The following ABCA5 variants were observed in gnomAD, a reference collection of about 807,000 sequenced individuals.
ABCA5 encodes the protein cholesterol transporter ABCA5.
In ABCA5, 163 loss-of-function variants were observed where a neutral mutation model predicts 206.0. The ratio of observed to expected loss-of-function variants is 0.79; its 90% confidence interval spans 0.70 to 0.90. The LOEUF is 0.90. Ranked by LOEUF, ABCA5 falls within the 40% of genes least tolerant of loss-of-function variation. The probability of loss-of-function intolerance (pLI) is 0.00; values close to 1 mark genes in which losing one functional copy is unlikely to be tolerated. For missense variants in ABCA5, 1,859 were observed against 1,912.9 expected, an observed-to-expected ratio of 0.97 and a Z score of 0.53; for synonymous variants, 609 against 613.8, an observed-to-expected ratio of 0.99 and a Z score of 0.11.
intron 22 of ABCA5, among the ~76,000 whole-genome samples, chr17:69,269,528 A>G (rs1260839064): frequency 6.6e-6 from 1 of 152,218 alleles, no homozygotes; most frequent in South Asian, 2.1e-4. Context: ...TAGATGATCT[A>G]GCAATTCCAC....
chr17:69,309,496 T>C, intron 3 of ABCA5, 73 bp from the exon 4 acceptor site: 3 of 1,067,072 alleles, frequency 2.8e-6, no homozygotes, highest in Non-Finnish European at 3.9e-6. Context: ...AGTTTACAAT[T>C]ATTTTGATGA....
rs1289306849 is a variant in ABCA5 at position 69,246,135 on chromosome 17, G to A, written c.*1402C>T. The A allele has an allele frequency of 6.6e-6, 1 of 151,880 alleles. No individual in the cohort carries two copies. The highest frequency in any genetic ancestry group is 1.5e-5 in the Non-Finnish European group (1 of 67,826). 9.4% of individuals were successfully genotyped at this position (151,880 alleles called of 1,614,324 possible). On this transcript the variant is annotated 3_prime_UTR_variant, in exon 39 of 39. Coordinates refer to ENST00000392676, the MANE Select transcript of ABCA5 (RefSeq NM_172232.4). ...GAACACTTTTAAATCCACTGCTAGA[G>A]CCTAAAATCACAGATGTCTTATTAC...
At chr17:69,248,147 T>G (rs746698321) in intron 38 of ABCA5, 115 bp downstream of exon 38, 2 of 604,492 alleles carry the variant, frequency 3.3e-6, no homozygotes, top group Non-Finnish European at 5.8e-6. Context: ...AAGATCATTC[T>G]GTACCAATTT....
rs1193312466 is a variant in ABCA5, at chr17:69,244,771, C to A, written c.*2766G>T. ...AAGTTTTGAGTAACTAACAGAACAA[C>A]AATAAAAACAATAATAACAACACTT... is the stretch of plus-strand genomic sequence containing the variant. On this transcript the variant is annotated 3_prime_UTR_variant, in exon 39 of 39. Coordinates refer to ENST00000392676, the MANE Select transcript of ABCA5 (RefSeq NM_172232.4). 9.9e-5 allele frequency: 15 copies of A among 151,182 alleles called. No homozygotes were observed. The highest frequency in any genetic ancestry group is 9.9e-4 in the Admixed American group (15 of 15,186). 9.4% of individuals were successfully genotyped at this position (151,182 alleles called of 1,614,324 possible). A position where few individuals can be genotyped will look rare whatever the true frequency, so the allele number is the denominator to read the frequency against.
intron 11 of ABCA5, 93 bp downstream of exon 11, chr17:69,294,562 G>T: frequency 9.4e-7 from 1 of 1,067,786 alleles, no homozygotes. Context: ...AGAAAATCAT[G>T]GTAGAGAAGT....
rs1349722172 is a variant in ABCA5, at chr17:69,309,310, A to T, written c.421T>A (p.Phe141Ile). 2 of 1,600,714 alleles carry T rather than the reference A, an allele frequency of 1.2e-6. No individual in the cohort carries two copies. Among genetic ancestry groups the T allele is most frequent in the Non-Finnish European group, 1.7e-6 (2 of 1,176,444 alleles). Residue 141 changes from phenylalanine to isoleucine, a missense_variant, in exon 4 of 39, where the codon TTT becomes ATT. Physicochemically the swap from Phe to Ile is conservative, Grantham distance 21. Coordinates refer to ENST00000392676, the MANE Select transcript of ABCA5 (RefSeq NM_172232.4). ...GATACTGGAATCATATCAGGAAAAA[A>T]ACGAAGTTCATAGGACATGGAGTCT... is the stretch of plus-strand genomic sequence containing the variant. ...FKDSMSYELR[F>I]FPDMIPVSSI...
intron 1 of ABCA5, among the ~76,000 whole-genome samples, chr17:69,318,170 G>A (rs1433116049): frequency 6.6e-6 from 1 of 151,194 alleles, no homozygotes; most frequent in African/African-American, 2.4e-5. Context: ...GGAGTGCAAT[G>A]GCACAGTCTC....
chr17:69,255,890 C>T lies in ABCA5; in HGVS notation c.3859-40G>A, dbSNP rs192295385. 7.9e-5 allele frequency: 116 copies of T among 1,468,386 alleles called. No homozygotes were observed. In the African/African-American group the frequency reaches 1.5e-3, roughly 19 times the overall value. 91.0% of individuals were successfully genotyped at this position (1,468,386 alleles called of 1,614,324 possible). On this transcript the variant is annotated intron_variant, in intron 29 of 38. Transcript: ENST00000392676. ...TGTATTTAAAAAGAAAGTTATAAAACTTATCATGAAATGACAGGCTGCACA... is the reference window on the plus strand; with the variant it reads ...TGTATTTAAAAAGAAAGTTATAAAATTTATCATGAAATGACAGGCTGCACA...
intron 17 of ABCA5, among the ~76,000 whole-genome samples, chr17:69,285,583 T>C (rs2075442252): frequency 6.6e-6 from 1 of 152,110 alleles, no homozygotes; most frequent in Non-Finnish European, 1.5e-5. Context: ...TATGCCTTAC[T>C]CTCAGGAGGC....
chr17:69,296,113 G>A (rs1353813622), intron 10 of ABCA5, among the ~76,000 whole-genome samples: 1 of 151,858 alleles, frequency 6.6e-6, no homozygotes, highest in Non-Finnish European at 1.5e-5. Flanking sequence ...CAGTGAAGGG[G>A]GATATAAACC....
Position 69,255,587 on chromosome 17 carries a change from T to C in ABCA5, c.4024A>G (p.Ile1342Val), listed in dbSNP as rs772855248. ...ATATCACCAACCAGAATATTAATAA[T>C]TGTGCTTTTGCCAGCACCATTTGGA... ...LGPNGAGKST[I>V]INILVGDIEP... is the part of the protein sequence containing the mutation. The change falls in exon 31 of 39, where the codon ATT (isoleucine) becomes GTT (valine). Residue 1342 changes from isoleucine (I) to valine (V), a missense_variant. By Grantham distance (29) the Ile-to-Val change is conservative (BLOSUM62 3). Coordinates refer to ENST00000392676, the MANE Select transcript of ABCA5 (RefSeq NM_172232.4). 25 of 1,582,968 alleles carry C rather than the reference T, an allele frequency of 1.6e-5. No individual in the cohort carries two copies. The highest frequency in any genetic ancestry group is 1.8e-5 in the Non-Finnish European group (21 of 1,171,040).
Position 69,264,734 on chromosome 17 carries a change from C to T in ABCA5, c.3315+1G>A. The T allele has an allele frequency of 2.0e-6, 3 of 1,524,728 alleles. No homozygotes were observed. The highest frequency in any genetic ancestry group is 1.8e-6 in the Non-Finnish European group (2 of 1,139,222). 94.4% of individuals were successfully genotyped at this position (1,524,728 alleles called of 1,614,324 possible). Reference sequence around the variant, plus strand: ...CATGAGTACAACTAACGTTAACTTACCACAGCAAGGAACTTTACAGTATAA... The same window carrying T: ...CATGAGTACAACTAACGTTAACTTATCACAGCAAGGAACTTTACAGTATAA... On this transcript the variant is annotated splice_donor_variant, in intron 24 of 38. Transcript: ENST00000392676. LOFTEE classifies it high-confidence loss of function.
intron 35 of ABCA5, chr17:69,251,443 T>C (rs1359471915): frequency 1.5e-5 from 4 of 264,100 alleles, no homozygotes; most frequent in Admixed American, 5.1e-5. Flanking sequence ...TAGAAACTCA[T>C]ATGTTTATTT....
intron 24 of ABCA5, among the ~76,000 whole-genome samples, chr17:69,262,834 A>G (rs987743736): frequency 2.6e-5 from 4 of 152,142 alleles, no homozygotes; most frequent in South Asian, 2.1e-4. Flanking sequence ...TGAAGTTTAC[A>G]TTCCCACCAA....
chr17:69,321,480 T>C (rs1446836564), intron 1 of ABCA5, among the ~76,000 whole-genome samples: 1 of 152,194 alleles, frequency 6.6e-6, no homozygotes, highest in African/African-American at 2.4e-5. Flanking sequence ...ATACTAGAAT[T>C]CCAAAATTTT....
rs550032166 is a variant in ABCA5 at position 69,308,212 on chromosome 17, G to A, written c.558+68C>T. 4 of 1,028,562 alleles carry A rather than the reference G, an allele frequency of 3.9e-6. No individual in the cohort carries two copies. The African/African-American group carries it at 4.8e-5, about 12-fold the overall frequency. The allele number at this position is 1,028,562 out of a possible 1,614,324, so 63.7% of individuals were successfully genotyped here. ...GACAGTAGTCAAACCAAATACTATTGTAAAGAATAAGGAAATATTTATTTT... is the reference window on the plus strand; with the variant it reads ...GACAGTAGTCAAACCAAATACTATTATAAAGAATAAGGAAATATTTATTTT... On this transcript the variant is annotated intron_variant, in intron 5 of 38. Transcript: ENST00000392676.
chr17:69,288,730 GA>G (rs2075490812), intron 14 of ABCA5, among the ~76,000 whole-genome samples: 3 of 148,278 alleles, frequency 2.0e-5, no homozygotes, highest in Non-Finnish European at 4.5e-5. Context: ...AAGAAAGAAA[GA>G]AAGAAAGAAA....
At chr17:69,323,312 T>C (rs1010243748) in intron 1 of ABCA5, among the ~76,000 whole-genome samples, 4 of 152,192 alleles carry the variant, frequency 2.6e-5, no homozygotes, top group East Asian at 3.8e-4. Flanking sequence ...CTATAACTAA[T>C]TGAATTGCTC....
chr17:69,299,198 A>G (rs762569892), intron 9 of ABCA5, among the ~76,000 whole-genome samples: 18 of 152,124 alleles, frequency 1.2e-4, no homozygotes, highest in Non-Finnish European at 2.1e-4. Context: ...AAAAGGGAAC[A>G]CTTTTCCACT....
Sources: gnomAD v4.1 joint callset for allele counts (sites outside exome capture counted in the v4.1 genomes callset) on GRCh38, gnomAD v4.1.1 for gene constraint, MANE v1.5 for transcripts, NCBI Gene and HGNC (gene_info 2026-07-23, HGNC 2026-07-21) for gene names.